RAP1B: variants seen among roughly 807,000 people sequenced by gnomAD.
RAP1B encodes the protein ras-related protein Rap-1b.
In RAP1B, 1 loss-of-function variant was observed where a neutral mutation model predicts 27.5. That is an observed-to-expected ratio of 0.04 (90% confidence interval 0.01 to 0.17). The LOEUF (loss-of-function observed/expected upper bound fraction) is 0.17, where lower values mean the gene tolerates loss of function less well. Among genes scored for constraint, RAP1B ranks in the 10% least tolerant of loss-of-function variants. The pLI, the probability that RAP1B is intolerant of heterozygous loss-of-function variation, is 1.00. For missense variants in RAP1B, 84 were observed against 214.8 expected (o/e 0.39, Z 3.81); for synonymous variants, 75 against 73.1 (o/e 1.03, Z -0.13).
chr12:68,657,063 TTCC>T (rs1439269870), intron 6 of RAP1B, 35 bp from the exon 7 acceptor site: 2 of 1,524,644 alleles, frequency 1.3e-6, no homozygotes, highest in Non-Finnish European at 1.8e-6. Context: ...GGGATAGGTG[TTCC>T]TCCTGTAAAT....
chr12:68,638,329 G>A lies in RAP1B; in HGVS notation c.-26-10370G>A, dbSNP rs75327228. 3.4e-3 allele frequency among the ~76,000 whole-genome samples: 510 copies of A among 152,230 alleles called. 4 individuals carry two copies. Among genetic ancestry groups the A allele is most frequent in the African/African-American group, 0.012 (496 of 41,528 alleles). On this transcript the variant is annotated intron_variant, in intron 1 of 7. Coordinates refer to ENST00000250559, the MANE Select transcript of RAP1B (RefSeq NM_001010942.3). The stretch of plus-strand genomic sequence containing the variant: ...AAGAGAAGTGTGTTTCCTGAGAGAG[G>A]ATGTCATGTCCGTGCCCTAATTTTT...
intron 4 of RAP1B, among the ~76,000 whole-genome samples, chr12:68,652,937 G>T (rs1166604955): frequency 1.3e-5 from 2 of 152,090 alleles, no homozygotes; most frequent in Non-Finnish European, 2.9e-5. Flanking sequence ...AGCTGGGTAT[G>T]ATGGCTCATG....
At chr12:68,611,073 G>A in intron 1 of RAP1B, 30 bp downstream of exon 1, 1 of 252,908 alleles carries the variant, frequency 4.0e-6, no homozygotes, top group Non-Finnish European at 7.5e-6. Context: ...GGCCGCTGAG[G>A]GAAGCCGCGG....
At chr12:68,631,367 A>C (rs1338961727) in intron 1 of RAP1B, among the ~76,000 whole-genome samples, 1 of 152,158 alleles carries the variant, frequency 6.6e-6, no homozygotes, top group Non-Finnish European at 1.5e-5. Context: ...TGAAATGCTT[A>C]CCATGCCTAG....
intron 1 of RAP1B, among the ~76,000 whole-genome samples, chr12:68,619,627 A>G (rs1871256291): frequency 6.6e-6 from 1 of 152,212 alleles, no homozygotes; most frequent in Non-Finnish European, 1.5e-5. Context: ...CTATTAAAAT[A>G]TTCCCAACTG....
intron 1 of RAP1B, among the ~76,000 whole-genome samples, chr12:68,616,294 G>GT (rs1029189117): frequency 7.5e-4 from 104 of 139,428 alleles, no homozygotes; most frequent in Admixed American, 5.6e-3. Flanking sequence ...TTTGTTTTTT[G>GT]TTTTTTTTGA....
chr12:68,617,484 T>G (rs1175746955), intron 1 of RAP1B, among the ~76,000 whole-genome samples: 1 of 152,252 alleles, frequency 6.6e-6, no homozygotes, highest in Non-Finnish European at 1.5e-5. Context: ...AAACTTGAGA[T>G]AGTGTACTGA....
chr12:68,650,251 C>T (rs866236987), intron 2 of RAP1B, 149 bp from the exon 3 acceptor site: 1 of 612,004 alleles, frequency 1.6e-6, no homozygotes, highest in Non-Finnish European at 2.5e-6. Context: ...ATTTTCTTAC[C>T]AAATGTACAC....
At chr12:68,641,752 G>GA (rs1015329051) in intron 1 of RAP1B, among the ~76,000 whole-genome samples, 3 of 150,486 alleles carry the variant, frequency 2.0e-5, no homozygotes, top group African/African-American at 7.3e-5. Flanking sequence ...TTATGCATTT[G>GA]AAAAAATCGA....
intron 1 of RAP1B, among the ~76,000 whole-genome samples, chr12:68,620,579 G>A (rs1651262255): frequency 1.3e-5 from 2 of 151,270 alleles, no homozygotes; most frequent in Admixed American, 1.3e-4. Flanking sequence ...AAACTCATGG[G>A]ATAAGTCCAA....
chr12:68,633,225 C>T (rs544584718), intron 1 of RAP1B, among the ~76,000 whole-genome samples: 1 of 152,066 alleles, frequency 6.6e-6, no homozygotes, highest in South Asian at 2.1e-4. Flanking sequence ...CACTGAACCC[C>T]CCACCACCCA....
At chr12:68,651,241 C>CA (rs1873793561) in intron 3 of RAP1B, among the ~76,000 whole-genome samples, 1 of 152,154 alleles carries the variant, frequency 6.6e-6, no homozygotes, top group Admixed American at 6.5e-5. Flanking sequence ...CCACTAACAG[C>CA]ATGTGACAAT....
rs1386083488 is a variant in RAP1B, at chr12:68,667,582, T to G, written c.*8333T>G. 2 of 152,200 alleles carry G rather than the reference T, an allele frequency of 1.3e-5. No individual in the cohort carries two copies. The highest frequency in any genetic ancestry group is 4.8e-5 in the African/African-American group (2 of 41,448). 9.4% of individuals were successfully genotyped at this position (152,200 alleles called of 1,614,324 possible). A position where few individuals can be genotyped will look rare whatever the true frequency, so the allele number is the denominator to read the frequency against. ...TGAATTTGGGCTTCTCCAGATAGCC[T>G]TTTTATCCATTTATTATTTCAAGTA... On this transcript the variant is annotated 3_prime_UTR_variant, in exon 8 of 8. Transcript: ENST00000250559.
At chr12:68,616,101 C>T (rs957667874) in intron 1 of RAP1B, among the ~76,000 whole-genome samples, 1 of 147,808 alleles carries the variant, frequency 6.8e-6, no homozygotes, top group Admixed American at 6.7e-5. Flanking sequence ...GTAGCTGAGA[C>T]TACAGGCGCC....
intron 1 of RAP1B, among the ~76,000 whole-genome samples, chr12:68,637,599 C>CAAAAAAAAAAAAAAAA (rs58656248): frequency 2.3e-4 from 8 of 34,256 alleles, no homozygotes; most frequent in South Asian, 1.7e-3. Flanking sequence ...AACTCCATCT[C>CAAAAAAAAAAAAAAAA]AAAAAAAAAA....
Position 68,657,103 on chromosome 12 carries a change from C to A in RAP1B, c.471C>A (p.Ile157=). 6.2e-7 allele frequency: 1 copy of A among 1,612,148 alleles called. No homozygotes were observed. Among genetic ancestry groups the A allele is most frequent in the South Asian group, 1.1e-5 (1 of 90,842 alleles). ...AAAACAAATTATTGTATTTGCAGATCTTTTATGACCTAGTGCGGCAAATTA... is the reference window on the plus strand; with the variant it reads ...AAAACAAATTATTGTATTTGCAGATATTTTATGACCTAGTGCGGCAAATTA... ...SAKSKINVNE[I]FYDLVRQINR... Residue 157 remains isoleucine, a splice_region_variant and synonymous_variant, in exon 7 of 8, where the codon ATC becomes ATA. Coordinates refer to ENST00000250559, the MANE Select transcript of RAP1B (RefSeq NM_001010942.3).
rs1874662626 is a variant in RAP1B, at chr12:68,662,613, CATCTA to C, written c.*3365_*3369del. 1 of 151,794 alleles carries C rather than the reference CATCTA, an allele frequency of 6.6e-6. No individual in the cohort carries two copies. Among genetic ancestry groups the C allele is most frequent in the Non-Finnish European group, 1.5e-5 (1 of 67,974 alleles). 9.4% of individuals were successfully genotyped at this position (151,794 alleles called of 1,614,324 possible). On this transcript the variant is annotated 3_prime_UTR_variant, in exon 8 of 8. Coordinates refer to ENST00000250559, the MANE Select transcript of RAP1B (RefSeq NM_001010942.3). ...CTGTGTTTTCATTGAATTTAATCTCCATCTATTCTATCTCTTCTTAAATCTTGGAA... is the reference window on the plus strand; with the variant it reads ...CTGTGTTTTCATTGAATTTAATCTCCTTCTATCTCTTCTTAAATCTTGGAA...
At chr12:68,636,525 T>G (rs1047016045) in intron 1 of RAP1B, among the ~76,000 whole-genome samples, 43 of 152,234 alleles carry the variant, frequency 2.8e-4, no homozygotes, top group African/African-American at 1.0e-3. Context: ...ATTCGTGGGC[T>G]TAAGTGATCC....
chr12:68,638,132 G>A (rs932900208), intron 1 of RAP1B, among the ~76,000 whole-genome samples: 1 of 152,052 alleles, frequency 6.6e-6, no homozygotes, highest in African/African-American at 2.4e-5. Context: ...AGTACAGTCT[G>A]GTGACACTTG....
Sources: allele counts gnomAD v4.1 joint callset (sites outside exome capture counted in the v4.1 genomes callset), GRCh38; gene constraint gnomAD v4.1.1; transcripts MANE v1.5; gene names NCBI Gene and HGNC (gene_info 2026-07-23, HGNC 2026-07-21).